The following RBPJ variants were observed in gnomAD, a reference collection of about 807,000 sequenced individuals.
RBPJ encodes recombination signal binding protein for immunoglobulin kappa J region.
A neutral mutation model predicts 67.8 loss-of-function variants in RBPJ; 9 were observed. The observed-to-expected ratio is 0.13, with a 90% CI of 0.08 to 0.23. The LOEUF (loss-of-function observed/expected upper bound fraction) is 0.23, where lower values mean the gene tolerates loss of function less well. Among genes scored for constraint, RBPJ ranks in the 10% least tolerant of loss-of-function variants. RBPJ has a pLI of 1.00. For synonymous variants in RBPJ, 198 were observed against 203.3 expected (o/e 0.97, Z 0.22); for missense variants, 305 against 595.6 (o/e 0.51, Z 5.08).
intron 1 of RBPJ, among the ~76,000 whole-genome samples, chr4:26,295,271 G>GGT (rs943314056): frequency 2.5e-5 from 3 of 117,902 alleles, no homozygotes; most frequent in Non-Finnish European, 4.9e-5. Context: ...TGTGTGTGTG[G>GGT]GTGTGTGTGT....
At chr4:26,268,771 A>G (rs947523355) in intron 1 of RBPJ, among the ~76,000 whole-genome samples, 1 of 152,036 alleles carries the variant, frequency 6.6e-6, no homozygotes, top group Non-Finnish European at 1.5e-5. Context: ...GGCGGGAGGA[A>G]GGGGTTCAGG....
intron 1 of RBPJ, among the ~76,000 whole-genome samples, chr4:26,199,931 C>T (rs571281093): frequency 1.3e-3 from 191 of 152,292 alleles, no homozygotes; most frequent in African/African-American, 4.4e-3. Flanking sequence ...TGCTATGGCT[C>T]GTTTCTTCTG....
intron 1 of RBPJ, among the ~76,000 whole-genome samples, chr4:26,185,577 A>G (rs1717216830): frequency 6.6e-6 from 1 of 152,214 alleles, no homozygotes; most frequent in Non-Finnish European, 1.5e-5. Context: ...TTAATTATCC[A>G]GAGTCCCTCG....
At chr4:26,123,862 C>G in the RBPJ span, among the ~76,000 whole-genome samples, 14 of 152,142 alleles carry the variant, frequency 9.2e-5, no homozygotes, top group African/African-American at 3.4e-4. Context: ...GAGCTGTCAT[C>G]TCCTAGGATA....
intron 1 of RBPJ, among the ~76,000 whole-genome samples, chr4:26,336,469 G>A (rs966809132): frequency 6.6e-6 from 1 of 151,946 alleles, no homozygotes; most frequent in Non-Finnish European, 1.5e-5. Context: ...GGCAACATAG[G>A]AAGACCCCAT....
At chr4:26,198,296 A>G (rs1199558859) in intron 1 of RBPJ, among the ~76,000 whole-genome samples, 1 of 151,900 alleles carries the variant, frequency 6.6e-6, no homozygotes, top group East Asian at 1.9e-4. Flanking sequence ...AAAAAATACT[A>G]TGAGGCAGAT....
chr4:26,371,760 TAAG>T (rs1343939378), intron 1 of RBPJ, among the ~76,000 whole-genome samples: 1 of 152,242 alleles, frequency 6.6e-6, no homozygotes, highest in Non-Finnish European at 1.5e-5. Context: ...AATTACAGGT[TAAG>T]AAGTGATTTC....
intron 1 of RBPJ, among the ~76,000 whole-genome samples, chr4:26,239,771 G>A (rs894645010): frequency 5.3e-5 from 8 of 149,622 alleles, no homozygotes; most frequent in Non-Finnish European, 9.0e-5. Context: ...GAGAGACCTG[G>A]GTAGAGTTAA....
At chr4:26,239,998 G>A (rs980832383) in intron 1 of RBPJ, among the ~76,000 whole-genome samples, 1 of 152,096 alleles carries the variant, frequency 6.6e-6, no homozygotes, top group Admixed American at 6.6e-5. Context: ...TTTAAGTGAC[G>A]AAATACTTAG....
chr4:26,316,657 T>TATATATATATACACAC (rs1722650842), upstream of RBPJ, among the ~76,000 whole-genome samples: 1 of 121,320 alleles, frequency 8.2e-6, no homozygotes, highest in Non-Finnish European at 1.6e-5. Context: ...CACATATTGA[T>TATATATATATACACAC]ATATATATAT....
At chr4:26,121,873 CTTTTTTT>C in the RBPJ span, among the ~76,000 whole-genome samples, 1 of 94,108 alleles carries the variant, frequency 1.1e-5, no homozygotes, top group Middle Eastern at 5.0e-3. Flanking sequence ...GAGTATCTCT[CTTTTTTT>C]TTTTTTTTTT....
At chr4:26,257,638 A>T (rs1720385871) in intron 1 of RBPJ, among the ~76,000 whole-genome samples, 1 of 152,156 alleles carries the variant, frequency 6.6e-6, no homozygotes, top group South Asian at 2.1e-4. Flanking sequence ...TCAAAAAAAG[A>T]GAAGTGGAGT....
intron 1 of RBPJ, among the ~76,000 whole-genome samples, chr4:26,202,912 C>CA (rs67852295): frequency 3.5e-5 from 5 of 140,914 alleles, no homozygotes; most frequent in Admixed American, 1.5e-4. Flanking sequence ...ACCAGACTGT[C>CA]AAAAAAAAAA....
Position 26,430,916 on chromosome 4 carries a change from A to G in RBPJ, c.1373A>G (p.Asn458Ser), listed in dbSNP as rs775529918. The G allele has an allele frequency of 6.2e-7, 1 of 1,614,024 alleles. No homozygotes were observed. The highest frequency in any genetic ancestry group is 8.5e-7 in the Non-Finnish European group (1 of 1,180,026). The change falls in exon 11 of 11, where the codon AAC (asparagine) becomes AGC (serine). Residue 458 changes from asparagine (N) to serine (S), a missense_variant. This residue lies in a region of RBPJ where 51 missense variants were observed against 52.8 expected (regional missense o/e 0.97). Transcript: ENST00000355476. The surrounding 1 kb of genome is among the most constrained non-coding windows in gnomAD (Gnocchi z 4.1). ...LRANSSQVPP[N>S]ESNTNSEGSY... is the part of the protein sequence containing the mutation. ...GCCAATTCAAGCCAGGTGCCCCCTA[A>G]CGAATCAAACACAAACAGCGAGGGA...
intron 1 of RBPJ, among the ~76,000 whole-genome samples, chr4:26,291,105 T>C (rs1362568433): frequency 6.6e-6 from 1 of 150,762 alleles, no homozygotes; most frequent in Non-Finnish European, 1.5e-5. Flanking sequence ...ACAAAATTAA[T>C]GTGCATGGAA....
At chr4:26,211,977 G>A (rs950503901) in intron 1 of RBPJ, among the ~76,000 whole-genome samples, 8 of 152,128 alleles carry the variant, frequency 5.3e-5, no homozygotes, top group African/African-American at 1.9e-4. Flanking sequence ...CAGATGCCAA[G>A]GATCACCAAA....
At chr4:26,230,820 A>G (rs1719252952) in intron 1 of RBPJ, among the ~76,000 whole-genome samples, 1 of 152,234 alleles carries the variant, frequency 6.6e-6, no homozygotes, top group African/African-American at 2.4e-5. Context: ...ATTTATAGCA[A>G]AATATAAATG....
At chr4:26,296,122 G>A (rs1721865869) in intron 1 of RBPJ, among the ~76,000 whole-genome samples, 1 of 152,120 alleles carries the variant, frequency 6.6e-6, no homozygotes, top group Non-Finnish European at 1.5e-5. Flanking sequence ...AGGGACTATT[G>A]GATTCCTTGA....
intron 3 of RBPJ, among the ~76,000 whole-genome samples, chr4:26,409,383 G>A (rs773949435): frequency 6.6e-6 from 1 of 152,146 alleles, no homozygotes; most frequent in Non-Finnish European, 1.5e-5. Context: ...TCCAGCCTGG[G>A]CGGCAGAGTG....
Sources: allele counts gnomAD v4.1 joint callset (sites outside exome capture counted in the v4.1 genomes callset), GRCh38; gene constraint gnomAD v4.1.1; regional missense constraint gnomAD v4.1.1; non-coding constraint Gnocchi (gnomAD v3.1); transcripts MANE v1.5; gene names NCBI Gene and HGNC (gene_info 2026-07-23, HGNC 2026-07-21).